STK32A: variants seen among roughly 807,000 people sequenced by gnomAD.
The protein encoded by STK32A is serine/threonine-protein kinase 32A.
STK32A carries 41 observed loss-of-function variants against 53.2 expected under a neutral mutation model. That is an observed-to-expected ratio of 0.77 (90% CI 0.60 to 1.00). The LOEUF (loss-of-function observed/expected upper bound fraction) is 1.00. Ranked by LOEUF, STK32A falls within the 50% of genes least tolerant of loss-of-function variation. The probability of loss-of-function intolerance (pLI) is 0.00; values close to 1 mark genes in which losing one functional copy is unlikely to be tolerated. For synonymous variants in STK32A, 166 were observed against 162.8 expected, an observed-to-expected ratio of 1.02 and a Z score of -0.15; for missense variants, 458 against 485.8, an observed-to-expected ratio of 0.94 and a Z score of 0.54.
At chr5:147,374,341 T>C (rs1178883398) in intron 10 of STK32A, among the ~76,000 whole-genome samples, 1 of 150,668 alleles carries the variant, frequency 6.6e-6, no homozygotes, top group Non-Finnish European at 1.5e-5. Flanking sequence ...TGTGGGAATG[T>C]GAGAGTGTGA....
intron 7 of STK32A, among the ~76,000 whole-genome samples, chr5:147,356,532 T>C (rs534810778): frequency 6.6e-6 from 1 of 152,278 alleles, no homozygotes; most frequent in African/African-American, 2.4e-5. Context: ...GCCCTAACTC[T>C]TAACATGCTG....
At chr5:147,306,782 ATC>A (rs916972956) in intron 4 of STK32A, among the ~76,000 whole-genome samples, 13 of 152,238 alleles carry the variant, frequency 8.5e-5, no homozygotes, top group African/African-American at 2.9e-4. Flanking sequence ...AAAGGGATAA[ATC>A]ACATAATTTT....
chr5:147,261,074 C>G (rs560553043), intron 2 of STK32A, among the ~76,000 whole-genome samples: 3 of 152,094 alleles, frequency 2.0e-5, no homozygotes, highest in African/African-American at 7.2e-5. Context: ...TTATTCCTCG[C>G]ACTGGGTGGG....
intron 7 of STK32A, among the ~76,000 whole-genome samples, chr5:147,356,659 T>C (rs1424303535): frequency 6.6e-6 from 1 of 152,136 alleles, no homozygotes; most frequent in African/African-American, 2.4e-5. Context: ...GAAATACAGA[T>C]AGAGCATCCC....
chr5:147,341,735 T>C (rs1187571268), intron 5 of STK32A, among the ~76,000 whole-genome samples: 1 of 152,172 alleles, frequency 6.6e-6, no homozygotes, highest in African/African-American at 2.4e-5. Context: ...GACCAGTCTT[T>C]TACACACTGA....
At chr5:147,340,627 A>G (rs1190396286) in intron 5 of STK32A, among the ~76,000 whole-genome samples, 1 of 152,184 alleles carries the variant, frequency 6.6e-6, no homozygotes, top group Non-Finnish European at 1.5e-5. Context: ...ATGTTACCCT[A>G]TTATATTTTG....
chr5:147,256,679 G>T (rs1226213943), intron 2 of STK32A, among the ~76,000 whole-genome samples: 1 of 151,910 alleles, frequency 6.6e-6, no homozygotes, highest in East Asian at 1.9e-4. Flanking sequence ...GCCTGGCTAA[G>T]TTTGTATTTT....
intron 4 of STK32A, among the ~76,000 whole-genome samples, chr5:147,292,083 A>C (rs56105833): frequency 0.33 from 50,783 of 152,064 alleles, 8,865 homozygotes; most frequent in South Asian, 0.6. Context: ...TCTGAAATAT[A>C]TTGAGGTTTC....
Position 147,370,680 on chromosome 5 carries a change from T to C in STK32A, c.687T>C (p.Thr229=). 2 of 1,612,252 alleles carry C rather than the reference T, an allele frequency of 1.2e-6. No individual in the cohort carries two copies. Among genetic ancestry groups the C allele is most frequent in the Non-Finnish European group, 1.7e-6 (2 of 1,178,552 alleles). The change falls in exon 9 of 13, where the codon ACT becomes ACC. Residue 229 remains threonine, a synonymous_variant. Coordinates refer to ENST00000397936, the MANE Select transcript of STK32A (RefSeq NM_001112724.2). ...GACCGTATCATATTCGCTCCAGTAC[T>C]TCCAGCAAGGAAATTGTACACACGT... ...GRRPYHIRSS[T]SSKEIVHTFE...
At chr5:147,250,048 G>A (rs974721938) in intron 2 of STK32A, among the ~76,000 whole-genome samples, 1 of 151,994 alleles carries the variant, frequency 6.6e-6, no homozygotes, top group African/African-American at 2.4e-5. Flanking sequence ...ATAATTAGGT[G>A]TTACTGATGG....
rs1753381740 is a variant in STK32A, at chr5:147,305,886, T to C, written c.261-18012T>C. On this transcript the variant is annotated intron_variant, in intron 4 of 12. Transcript: ENST00000397936. ...CAAAATATGTGTACTTTTGTACACA[T>C]GTAAACCCTAGGACCCAGTGATTTA... Among the ~76,000 whole-genome samples the C allele has an allele frequency of 2.0e-5, 3 of 151,916 alleles. No homozygotes were observed. The South Asian group carries it at 6.3e-4, about 32-fold the overall frequency.
chr5:147,333,864 T>A (rs1754991235), intron 5 of STK32A, among the ~76,000 whole-genome samples: 1 of 152,144 alleles, frequency 6.6e-6, no homozygotes, highest in Non-Finnish European at 1.5e-5. Context: ...GGTAGAGAGA[T>A]TAAGAGGCTT....
intron 4 of STK32A, among the ~76,000 whole-genome samples, chr5:147,308,686 T>C (rs1289606664): frequency 6.6e-6 from 1 of 151,562 alleles, no homozygotes; most frequent in African/African-American, 2.4e-5. Flanking sequence ...ATATCCTTTA[T>C]CACAATAAGA....
intron 5 of STK32A, among the ~76,000 whole-genome samples, chr5:147,332,911 C>T (rs1754942865): frequency 6.6e-6 from 1 of 152,134 alleles, no homozygotes; most frequent in Non-Finnish European, 1.5e-5. Flanking sequence ...ACAAAGCCAC[C>T]CATTTGTGAA....
At chr5:147,316,858 C>CG (rs200303734) in intron 4 of STK32A, among the ~76,000 whole-genome samples, 1,800 of 21,094 alleles carry the variant, frequency 0.085, 63 homozygotes, top group African/African-American at 0.22. Context: ...CTGTTTCTGG[C>CG]GAAAAAAAAA....
At chr5:147,277,507 C>T (rs1453225519) in intron 2 of STK32A, among the ~76,000 whole-genome samples, 1 of 152,216 alleles carries the variant, frequency 6.6e-6, no homozygotes, top group Non-Finnish European at 1.5e-5. Context: ...TAATCTGTTA[C>T]AAGTCTGCAC....
At chr5:147,325,483 T>C (rs1038134192) in intron 5 of STK32A, among the ~76,000 whole-genome samples, 1 of 152,206 alleles carries the variant, frequency 6.6e-6, no homozygotes, top group African/African-American at 2.4e-5. Flanking sequence ...ACAGAGCCTA[T>C]AGATGAAGGT....
chr5:147,398,543 A>G, the STK32A span, among the ~76,000 whole-genome samples: 11 of 152,358 alleles, frequency 7.2e-5, no homozygotes, highest in African/African-American at 2.6e-4. Context: ...ACTATTTTTA[A>G]CAACAGTGTC....
At chr5:147,300,422 A>G (rs1380371622) in intron 4 of STK32A, among the ~76,000 whole-genome samples, 4 of 152,150 alleles carry the variant, frequency 2.6e-5, no homozygotes, top group African/African-American at 9.7e-5. Context: ...TATTTCATTT[A>G]TTGTCTTTCA....
Sources: allele counts gnomAD v4.1 joint callset (sites outside exome capture counted in the v4.1 genomes callset), GRCh38; gene constraint gnomAD v4.1.1; transcripts MANE v1.5; gene names NCBI Gene and HGNC (gene_info 2026-07-23, HGNC 2026-07-21).